BBS2: variants seen among roughly 807,000 people sequenced by gnomAD.
BBS2 encodes BBSome complex member BBS2.
In BBS2, 62 loss-of-function variants were observed where a neutral mutation model predicts 83.0. The observed-to-expected ratio is 0.75, with a 90% CI of 0.61 to 0.92. BBS2 has a LOEUF of 0.92. Ranked by LOEUF, BBS2 falls within the 40% of genes least tolerant of loss-of-function variation. BBS2 has a pLI of 0.00. For missense variants in BBS2, 784 were observed against 901.0 expected, an observed-to-expected ratio of 0.87 and a Z score of 1.66; for synonymous variants, 303 against 326.1, an observed-to-expected ratio of 0.93 and a Z score of 0.76.
chr16:56,498,865 G>T, intron 12 of BBS2: 1 of 512,112 alleles, frequency 2.0e-6, no homozygotes, highest in Non-Finnish European at 3.3e-6. Context: ...CTTAGACATA[G>T]TCTTATATGC....
At chr16:56,489,929 G>C (rs1195347317) in intron 15 of BBS2, among the ~76,000 whole-genome samples, 1 of 152,020 alleles carries the variant, frequency 6.6e-6, no homozygotes, top group East Asian at 1.9e-4. Context: ...TTCAAGACCA[G>C]TCTGGGCAAC....
intron 17 of BBS2, chr16:56,475,413 C>G (rs1188445500): frequency 9.0e-7 from 1 of 1,109,600 alleles, no homozygotes; most frequent in Non-Finnish European, 1.4e-6. Flanking sequence ...CCCAGATCCC[C>G]CACTGTTAAG....
intron 4 of BBS2, among the ~76,000 whole-genome samples, chr16:56,510,235 G>A (rs1305061569): frequency 6.6e-6 from 1 of 152,180 alleles, no homozygotes; most frequent in Non-Finnish European, 1.5e-5. Flanking sequence ...AGGGGCTACT[G>A]CAGCTTTTAT....
Position 56,497,866 on chromosome 16 carries a change from A to C in BBS2, c.1674T>G (p.Thr558=), listed in dbSNP as rs779980535. 1 of 1,610,990 alleles carries C rather than the reference A, an allele frequency of 6.2e-7. No individual in the cohort carries two copies. The highest frequency in any genetic ancestry group is 1.7e-5 in the Admixed American group (1 of 60,010). The change falls in exon 14 of 17, where the codon ACT becomes ACG. Residue 558 remains threonine (T), a synonymous_variant. Transcript: ENST00000245157. ...TATCACCAGCCAAATCAATATCATC[A>C]GTATTTATAGTGATCTACCCAGAGA... is the stretch of plus-strand genomic sequence containing the variant. ...IKLSGEITIN[T]DDIDLAGDII... is the part of the protein sequence containing the mutation.
Position 56,509,961 on chromosome 16 carries a change from G to T in BBS2, c.608C>A (p.Thr203Lys). 6.2e-7 allele frequency: 1 copy of T among 1,613,906 alleles called. No homozygotes were observed. The highest frequency in any genetic ancestry group is 8.5e-7 in the Non-Finnish European group (1 of 1,179,942). Reference sequence around the variant, plus strand: ...GTTCGAGGTGGAGCTTCTTACCTCTGTTTCTGTCATTTCTGCCACAATCTC... The same window carrying T: ...GTTCGAGGTGGAGCTTCTTACCTCTTTTTCTGTCATTTCTGCCACAATCTC... ...EDEIVAEMTE[T>K]EIVTSLCPMY... The change falls in exon 5 of 17, where the codon ACA (threonine) becomes AAA (lysine). Residue 203 changes from threonine to lysine, a missense_variant. Coordinates refer to ENST00000245157, the MANE Select transcript of BBS2 (RefSeq NM_031885.5).
At chr16:56,487,935 G>A (rs1245773167) in intron 15 of BBS2, among the ~76,000 whole-genome samples, 5 of 152,206 alleles carry the variant, frequency 3.3e-5, no homozygotes, top group Non-Finnish European at 5.9e-5. Flanking sequence ...AGAATGGGTA[G>A]TTACTGTTTA....
intron 15 of BBS2, among the ~76,000 whole-genome samples, chr16:56,487,531 T>G (rs1963817504): frequency 6.6e-6 from 1 of 152,108 alleles, no homozygotes; most frequent in Non-Finnish European, 1.5e-5. Context: ...TACCTAAGCA[T>G]AAACTTAAAA....
At chr16:56,507,617 T>A (rs1445189898) in intron 5 of BBS2, among the ~76,000 whole-genome samples, 1 of 152,136 alleles carries the variant, frequency 6.6e-6, no homozygotes, top group Non-Finnish European at 1.5e-5. Flanking sequence ...CCTTTAAGAA[T>A]GTAATGAAGG....
intron 16 of BBS2, 49 bp from the exon 17 acceptor site, chr16:56,484,916 T>C: frequency 7.0e-7 from 1 of 1,428,264 alleles, no homozygotes; most frequent in South Asian, 1.2e-5. Flanking sequence ...GACATGAAAT[T>C]ATAAAATTAG....
At chr16:56,508,887 G>A (rs1417225821) in intron 5 of BBS2, among the ~76,000 whole-genome samples, 1 of 152,048 alleles carries the variant, frequency 6.6e-6, no homozygotes, top group Non-Finnish European at 1.5e-5. Context: ...GGCCTCAAGT[G>A]ATCCTCCCAC....
At chr16:56,504,620 A>T (rs1190940699) in intron 7 of BBS2, among the ~76,000 whole-genome samples, 1 of 152,168 alleles carries the variant, frequency 6.6e-6, no homozygotes, top group Non-Finnish European at 1.5e-5. Context: ...TATCTTTTTC[A>T]TGCTCAGGAA....
At chr16:56,506,600 A>G (rs780956557) in intron 5 of BBS2, among the ~76,000 whole-genome samples, 2 of 152,230 alleles carry the variant, frequency 1.3e-5, no homozygotes, top group Non-Finnish European at 2.9e-5. Flanking sequence ...GGCTTTAATG[A>G]TTATTACTTA....
At chr16:56,474,900 A>C in intron 17 of BBS2, 1 of 1,613,834 alleles carries the variant, frequency 6.2e-7, no homozygotes, top group East Asian at 2.2e-5. Context: ...ATTCATGACC[A>C]TAGCAAGGCT....
intron 1 of BBS2, among the ~76,000 whole-genome samples, chr16:56,517,691 T>C (rs1247889916): frequency 6.6e-6 from 1 of 152,232 alleles, no homozygotes; most frequent in African/African-American, 2.4e-5. Flanking sequence ...CTAAGAAGAC[T>C]GCCCAGCACA....
chr16:56,501,843 T>C (rs1964284666), intron 9 of BBS2: 1 of 372,596 alleles, frequency 2.7e-6, no homozygotes, highest in South Asian at 2.6e-5. Flanking sequence ...TAAAGGAATA[T>C]TTCAGCCAGT....
chr16:56,480,502 G>A (rs1963645000), downstream of BBS2, among the ~76,000 whole-genome samples: 1 of 151,696 alleles, frequency 6.6e-6, no homozygotes, highest in South Asian at 2.1e-4. Flanking sequence ...TGCAACCTCT[G>A]CCTCCCAGGT....
At chr16:56,516,324 T>C (rs1168942897) in intron 1 of BBS2, among the ~76,000 whole-genome samples, 4 of 152,150 alleles carry the variant, frequency 2.6e-5, no homozygotes, top group African/African-American at 9.7e-5. Flanking sequence ...AACTGACCCC[T>C]AAGCATTACC....
downstream of BBS2, among the ~76,000 whole-genome samples, chr16:56,483,642 A>C (rs1346996371): frequency 2.0e-5 from 3 of 152,210 alleles, no homozygotes; most frequent in African/African-American, 7.2e-5. Flanking sequence ...TCCTTAATGT[A>C]AATTTGTTGT....
chr16:56,476,033 G>T, intron 17 of BBS2: 1 of 1,605,972 alleles, frequency 6.2e-7, no homozygotes, highest in Non-Finnish European at 8.5e-7. Flanking sequence ...CACTGTATTT[G>T]TCTTTTTCAG....
Sources: allele counts gnomAD v4.1 joint callset (sites outside exome capture counted in the v4.1 genomes callset), GRCh38; gene constraint gnomAD v4.1.1; transcripts MANE v1.5; gene names NCBI Gene and HGNC (gene_info 2026-07-23, HGNC 2026-07-21).